The following PCDHA9 variants were observed in gnomAD, a reference collection of about 807,000 sequenced individuals.
PCDHA9 encodes the protein protocadherin alpha 9.
Under a neutral mutation model 62.0 loss-of-function variants are expected in PCDHA9, and 62 were observed. The observed-to-expected ratio is 1.00, with a 90% confidence interval of 0.81 to 1.23. PCDHA9 has a LOEUF of 1.23. Among genes scored for constraint, PCDHA9 ranks in the 50% most tolerant of loss-of-function variants. The probability of loss-of-function intolerance (pLI) is 0.00; values close to 1 mark genes in which losing one functional copy is unlikely to be tolerated. For missense variants in PCDHA9, 1,205 were observed against 1,249.8 expected (o/e 0.96, Z 0.54); for synonymous variants, 557 against 567.6 (o/e 0.98, Z 0.27).
intron 1 of PCDHA9, chr5:140,967,530 C>T: frequency 6.2e-7 from 1 of 1,613,178 alleles, no homozygotes; most frequent in Non-Finnish European, 8.5e-7. Flanking sequence ...GACAACTCTC[C>T]TGCCTTTGAC....
chr5:140,971,529 T>G (rs782358590), intron 1 of PCDHA9, among the ~76,000 whole-genome samples: 1 of 152,176 alleles, frequency 6.6e-6, no homozygotes, highest in East Asian at 1.9e-4. Flanking sequence ...GTTCTGAAAG[T>G]CATCATTGCC....
At chr5:140,913,959 T>TA (rs1562996315) in intron 1 of PCDHA9, among the ~76,000 whole-genome samples, 4 of 152,166 alleles carry the variant, frequency 2.6e-5, no homozygotes, top group African/African-American at 7.2e-5. Context: ...GATATCATTT[T>TA]TAAAAAAATA....
At chr5:140,928,885 C>T in intron 1 of PCDHA9, 1 of 1,614,194 alleles carries the variant, frequency 6.2e-7, no homozygotes, top group Non-Finnish European at 8.5e-7. Context: ...TCAGTTACTT[C>T]CAGACTTTGA....
chr5:140,995,529 C>G (rs1191657600), intron 3 of PCDHA9, among the ~76,000 whole-genome samples: 1 of 152,078 alleles, frequency 6.6e-6, no homozygotes, highest in East Asian at 1.9e-4. Flanking sequence ...GAAATCAAAC[C>G]TCAAATAAGG....
intron 1 of PCDHA9, among the ~76,000 whole-genome samples, chr5:140,895,558 A>G (rs1449174455): frequency 6.6e-6 from 1 of 152,154 alleles, no homozygotes; most frequent in Non-Finnish European, 1.5e-5. Context: ...AGTTCTTTAT[A>G]TATTCTAGAT....
At chr5:140,877,443 C>A (rs376417721) in intron 1 of PCDHA9, 2 of 1,613,726 alleles carry the variant, frequency 1.2e-6, no homozygotes, top group African/African-American at 2.7e-5. Flanking sequence ...ACGGTGAGCC[C>A]GCGCTGACGT....
At chr5:140,877,097 T>A in intron 1 of PCDHA9, 1 of 1,613,308 alleles carries the variant, frequency 6.2e-7, no homozygotes, top group Non-Finnish European at 8.5e-7. Context: ...GACGCCGGCG[T>A]GCCGCCTCTG....
chr5:140,941,403 G>A lies in PCDHA9; in HGVS notation c.2395-37546G>A, dbSNP rs527986544. Among the ~76,000 whole-genome samples, 769 of 142,382 alleles carry A rather than the reference G, an allele frequency of 5.4e-3. 3 individuals carry two copies. The highest frequency in any genetic ancestry group is 0.019 in the African/African-American group (737 of 38,338). The allele number at this position is 142,382 out of a possible 152,430, so 93.4% of individuals were successfully genotyped here. On this transcript the variant is annotated intron_variant, in intron 1 of 3. Coordinates refer to ENST00000532602, the MANE Select transcript of PCDHA9 (RefSeq NM_031857.2). ...AGGATTTTGGCTCACTGCAACCTCC[G>A]CCTCCCGGGTTCAAGCAATTCTCTG...
chr5:140,990,195 A>C (rs1030331876), intron 3 of PCDHA9, among the ~76,000 whole-genome samples: 1 of 152,012 alleles, frequency 6.6e-6, no homozygotes, highest in Non-Finnish European at 1.5e-5. Flanking sequence ...CCAAATGTGG[A>C]CCCGAAAGAG....
chr5:140,857,815 G>A (rs782354426), intron 1 of PCDHA9: 2 of 1,597,792 alleles, frequency 1.3e-6, no homozygotes, highest in East Asian at 4.5e-5. Context: ...CGGGTCACGT[G>A]GTGGCTAAGG....
At chr5:140,870,631 C>G (rs1554164498) in intron 1 of PCDHA9, 5 of 1,612,864 alleles carry the variant, frequency 3.1e-6, no homozygotes, top group Middle Eastern at 1.7e-4. Flanking sequence ...CGTGTCGGTG[C>G]ACGCGGAGAG....
At chr5:140,958,759 A>G (rs1254935099) in intron 1 of PCDHA9, among the ~76,000 whole-genome samples, 2 of 152,112 alleles carry the variant, frequency 1.3e-5, no homozygotes, top group African/African-American at 4.8e-5. Flanking sequence ...ATTTTTACCC[A>G]TTTCTGTTTG....
chr5:140,932,101 T>G (rs1281828369), intron 1 of PCDHA9, among the ~76,000 whole-genome samples: 6 of 151,958 alleles, frequency 3.9e-5, no homozygotes, highest in Non-Finnish European at 8.8e-5. Context: ...TTTTTATCTC[T>G]GTATTTCCAA....
At chr5:140,870,456 G>A (rs782212198) in intron 1 of PCDHA9, 15 of 1,614,110 alleles carry the variant, frequency 9.3e-6, no homozygotes, top group South Asian at 5.5e-5. Flanking sequence ...ACGACAATGC[G>A]CCTGCGTTCG....
chr5:140,922,939 T>C (rs1206981483), intron 1 of PCDHA9, among the ~76,000 whole-genome samples: 1 of 152,172 alleles, frequency 6.6e-6, no homozygotes, highest in Non-Finnish European at 1.5e-5. Flanking sequence ...CTTCCAGCAA[T>C]GGAAATCCAG....
chr5:140,928,468 G>A, intron 1 of PCDHA9: 1 of 1,614,154 alleles, frequency 6.2e-7, no homozygotes. Flanking sequence ...TTTCCAAGTA[G>A]AAGGCCGGGA....
chr5:140,937,160 C>T lies in PCDHA9; in HGVS notation c.2395-41789C>T, dbSNP rs767846084. Among the ~76,000 whole-genome samples the T allele has an allele frequency of 1.0e-3, 155 of 151,762 alleles. 1 individual carries two copies. Among genetic ancestry groups the T allele is most frequent in the Admixed American group, 4.7e-3 (71 of 15,248 alleles). ...TCATGCCATTCTCCTGCCTCAGCCT[C>T]CCGAGTAGCTGGGACTACAGGCGCC... On this transcript the variant is annotated intron_variant, in intron 1 of 3. Coordinates refer to ENST00000532602, the MANE Select transcript of PCDHA9 (RefSeq NM_031857.2).
At chr5:140,867,774 G>A (rs937544863) in intron 1 of PCDHA9, 2 of 151,934 alleles carry the variant, frequency 1.3e-5, no homozygotes, top group African/African-American at 4.8e-5. Flanking sequence ...ACTCTCATAA[G>A]CAATTCCTGT....
At chr5:140,862,045 A>T (rs544547077) in intron 1 of PCDHA9, 1 of 155,812 alleles carries the variant, frequency 6.4e-6, no homozygotes, top group South Asian at 2.0e-4. Context: ...AAACCGTCAC[A>T]TTGTTTCTTT....
Sources: gnomAD v4.1 joint callset for allele counts (sites outside exome capture counted in the v4.1 genomes callset) on GRCh38, gnomAD v4.1.1 for gene constraint, MANE v1.5 for transcripts, NCBI Gene and HGNC (gene_info 2026-07-23, HGNC 2026-07-21) for gene names.